Variants in PFDN1 observed in about 807,000 individuals in gnomAD.
PFDN1 encodes the protein prefoldin subunit 1.
In PFDN1, 6 loss-of-function variants were observed where a neutral mutation model predicts 17.3. The observed-to-expected ratio is 0.35, with a 90% CI of 0.19 to 0.69. The LOEUF (loss-of-function observed/expected upper bound fraction) is 0.69. Among genes scored for constraint, PFDN1 ranks in the 30% least tolerant of loss-of-function variants. The pLI is 0.65. For missense variants in PFDN1, 113 were observed against 146.2 expected (o/e 0.77, Z 1.17); for synonymous variants, 58 against 50.1 (o/e 1.16, Z -0.67).
At chr5:140,283,480 G>A (rs184252932) in intron 2 of PFDN1, among the ~76,000 whole-genome samples, 5 of 152,106 alleles carry the variant, frequency 3.3e-5, no homozygotes, top group Non-Finnish European at 7.4e-5. Flanking sequence ...TGATCTGCCC[G>A]CCTCGGCCTC....
At chr5:140,249,273 A>C (rs1018110902) in intron 3 of PFDN1, among the ~76,000 whole-genome samples, 2 of 152,246 alleles carry the variant, frequency 1.3e-5, no homozygotes, top group African/African-American at 4.8e-5. Context: ...GTGGGCCCTG[A>C]ATCCAATCAT....
At chr5:140,270,880 T>G (rs1401799677) in intron 3 of PFDN1, among the ~76,000 whole-genome samples, 1 of 151,806 alleles carries the variant, frequency 6.6e-6, no homozygotes, top group Non-Finnish European at 1.5e-5. Flanking sequence ...GAGCCAAGAT[T>G]GCGCCACTGC....
intron 3 of PFDN1, among the ~76,000 whole-genome samples, chr5:140,266,558 T>G (rs1404913218): frequency 6.6e-6 from 1 of 152,228 alleles, no homozygotes; most frequent in African/African-American, 2.4e-5. Context: ...TAATCAGGTT[T>G]AGACACCCAC....
At chr5:140,256,052 T>G (rs539573544) in intron 3 of PFDN1, among the ~76,000 whole-genome samples, 27 of 152,320 alleles carry the variant, frequency 1.8e-4, no homozygotes, top group Admixed American at 1.6e-3. Context: ...CACTTTCTCC[T>G]TCTAGCTTTC....
Position 140,303,061 on chromosome 5 carries a change from CG to C in PFDN1, c.12del (p.Val5TrpfsTer3), listed in dbSNP as rs1365837129. 3 of 1,613,026 alleles carry C rather than the reference CG, an allele frequency of 1.9e-6. No homozygotes were observed. The highest frequency in any genetic ancestry group is 1.7e-6 in the Non-Finnish European group (2 of 1,178,954). On this transcript the variant is annotated frameshift_variant, in exon 1 of 4. Transcript: ENST00000261813. LOFTEE classifies it high-confidence loss of function. Reference sequence around the variant, plus strand: ...TTTACCTTCTTCAGCTCTAGATCCACGGGGGCGGCCATCTTGGTGCACTGTA... The same window carrying C: ...TTTACCTTCTTCAGCTCTAGATCCACGGGGCGGCCATCTTGGTGCACTGTA... MAA[P>X]VDLELKKAFT...
At chr5:140,267,478 G>A (rs184591278) in intron 3 of PFDN1, among the ~76,000 whole-genome samples, 1 of 152,310 alleles carries the variant, frequency 6.6e-6, no homozygotes, top group East Asian at 1.9e-4. Context: ...GGGAATGTGG[G>A]TACCTGAGCC....
chr5:140,255,417 C>T (rs990455198), intron 3 of PFDN1, among the ~76,000 whole-genome samples: 4 of 152,038 alleles, frequency 2.6e-5, no homozygotes, highest in African/African-American at 4.8e-5. Context: ...GAACCCTGGC[C>T]GAGAATATCA....
intron 2 of PFDN1, among the ~76,000 whole-genome samples, chr5:140,283,422 A>T (rs1409037930): frequency 1.3e-5 from 2 of 152,076 alleles, no homozygotes; most frequent in Admixed American, 1.3e-4. Flanking sequence ...TTTAGTAGAG[A>T]CAGGGTTTCA....
chr5:140,264,993 C>A (rs1359422391), intron 3 of PFDN1, among the ~76,000 whole-genome samples: 1 of 152,212 alleles, frequency 6.6e-6, no homozygotes, highest in Non-Finnish European at 1.5e-5. Flanking sequence ...TCAAAACTCG[C>A]AGGCATCTTT....
At chr5:140,293,613 A>C (rs1765610783) in intron 2 of PFDN1, among the ~76,000 whole-genome samples, 1 of 152,102 alleles carries the variant, frequency 6.6e-6, no homozygotes, top group African/African-American at 2.4e-5. Context: ...AATTATTAAA[A>C]AGTACTCGTC....
At chr5:140,256,882 G>A (rs1764995225) in intron 3 of PFDN1, among the ~76,000 whole-genome samples, 1 of 151,954 alleles carries the variant, frequency 6.6e-6, no homozygotes, top group Admixed American at 6.6e-5. Context: ...CTGGAGGTGT[G>A]TCGTGGACAC....
chr5:140,261,086 C>T (rs559513521), intron 3 of PFDN1, among the ~76,000 whole-genome samples: 5 of 144,212 alleles, frequency 3.5e-5, no homozygotes, highest in African/African-American at 1.3e-4. Context: ...CGCTTGAACT[C>T]AGGAGGCGGA....
chr5:140,271,889 A>C (rs867195964), intron 3 of PFDN1, among the ~76,000 whole-genome samples: 1 of 150,990 alleles, frequency 6.6e-6, no homozygotes, highest in South Asian at 2.1e-4. Context: ...TAAAGTTCAG[A>C]AACAAGCTAA....
chr5:140,278,557 CAAAAAAAAAAAAAAAAAAAAAA>C (rs113129230), intron 3 of PFDN1, among the ~76,000 whole-genome samples: 1 of 79,006 alleles, frequency 1.3e-5, no homozygotes, highest in Non-Finnish European at 2.3e-5. Flanking sequence ...GACTCTGTCT[CAAAAAAAAAAAAAAAAAAAAAA>C]AAAAAAAACA....
intron 3 of PFDN1, among the ~76,000 whole-genome samples, chr5:140,266,760 G>GC (rs1190265201): frequency 2.0e-5 from 3 of 152,228 alleles, no homozygotes; most frequent in African/African-American, 7.2e-5. Flanking sequence ...ACTGTACACA[G>GC]CAAGGGATAG....
At chr5:140,255,430 C>A (rs1324623273) in intron 3 of PFDN1, among the ~76,000 whole-genome samples, 2 of 152,076 alleles carry the variant, frequency 1.3e-5, no homozygotes, top group African/African-American at 4.8e-5. Context: ...GAATATCACC[C>A]ACCTATTAGT....
Position 140,271,058 on chromosome 5 carries a change from A to T in PFDN1, c.285+10391T>A, listed in dbSNP as rs981199876. 5.9e-5 allele frequency among the ~76,000 whole-genome samples: 9 copies of T among 152,332 alleles called. No individual in the cohort carries two copies. The East Asian group carries it at 9.6e-4, about 16-fold the overall frequency. On this transcript the variant is annotated intron_variant, in intron 3 of 3. Transcript: ENST00000261813. ...CAAATTTTAGCACTTGGATCATAAC[A>T]TATACAATGAACAAGGCATTGACAA...
chr5:140,245,558 G>A lies in PFDN1; in HGVS notation c.*416C>T, dbSNP rs1429569287. ...GAAGGGCTCTGATGCAGAGGGAGCA[G>A]GAGCTGAGGTGGAGACGGCCACTGC... is the stretch of plus-strand genomic sequence containing the variant. On this transcript the variant is annotated 3_prime_UTR_variant, in exon 4 of 4. Coordinates refer to ENST00000261813, the MANE Select transcript of PFDN1 (RefSeq NM_002622.5). 1.4e-6 allele frequency: 1 copy of A among 702,480 alleles called. No homozygotes were observed. The highest frequency in any genetic ancestry group is 2.7e-5 in the East Asian group (1 of 37,308). 43.5% of individuals were successfully genotyped at this position (702,480 alleles called of 1,614,324 possible). A position where few individuals can be genotyped will look rare whatever the true frequency, so the allele number is the denominator to read the frequency against.
intron 2 of PFDN1, among the ~76,000 whole-genome samples, chr5:140,288,402 G>C (rs1215001227): frequency 3.3e-5 from 5 of 152,180 alleles, no homozygotes; most frequent in African/African-American, 1.2e-4. Context: ...GGTCACCAGG[G>C]AAGACAGTGG....
Sources: allele counts gnomAD v4.1 joint callset (sites outside exome capture counted in the v4.1 genomes callset), GRCh38; gene constraint gnomAD v4.1.1; transcripts MANE v1.5; gene names NCBI Gene and HGNC (gene_info 2026-07-23, HGNC 2026-07-21).